WNT6: variants seen among roughly 807,000 people sequenced by gnomAD.
The protein encoded by WNT6 is protein Wnt-6.
WNT6 carries 27 observed loss-of-function variants against 33.1 expected under a neutral mutation model. The observed-to-expected ratio is 0.82, with a 90% CI of 0.60 to 1.12. The LOEUF is 1.12. WNT6 is among the 50% of genes most tolerant of loss of function. WNT6 has a pLI of 0.00. For missense variants in WNT6, 494 were observed against 535.3 expected (o/e 0.92, Z 0.76); for synonymous variants, 249 against 242.8 (o/e 1.03, Z -0.24).
chr2:218,865,897 A>T (rs1017122501), intron 1 of WNT6, among the ~76,000 whole-genome samples: 8 of 131,592 alleles, frequency 6.1e-5, no homozygotes. Context: ...GAGGGAACCA[A>T]GTTGGGTTAG....
chr2:218,868,307 T>A (rs1167682799), intron 1 of WNT6, among the ~76,000 whole-genome samples: 1 of 152,038 alleles, frequency 6.6e-6, no homozygotes, highest in Non-Finnish European at 1.5e-5. Context: ...GTCAAGAGGT[T>A]TTTGTCTTTC....
At chr2:218,861,634 A>G (rs534630339) in intron 1 of WNT6, among the ~76,000 whole-genome samples, 3 of 152,260 alleles carry the variant, frequency 2.0e-5, no homozygotes, top group African/African-American at 7.2e-5. Context: ...AATGTTGTAA[A>G]GGAATCTCTT....
At chr2:218,870,966 C>G (rs34877698) in intron 1 of WNT6, 61 bp from the exon 2 acceptor site, 1 of 1,475,518 alleles carries the variant, frequency 6.8e-7, no homozygotes, top group Non-Finnish European at 9.2e-7. Context: ...TGGTCCTCCT[C>G]CCTTCCACCC....
chr2:218,870,938 C>T (rs1206303260), intron 1 of WNT6, 89 bp from the exon 2 acceptor site: 12 of 1,290,796 alleles, frequency 9.3e-6, no homozygotes, highest in Non-Finnish European at 1.3e-5. Context: ...ACAGCTCCCG[C>T]TGCGGGCTGA....
intron 1 of WNT6, among the ~76,000 whole-genome samples, chr2:218,868,195 G>T (rs1443775848): frequency 6.6e-6 from 1 of 152,142 alleles, no homozygotes; most frequent in Non-Finnish European, 1.5e-5. Context: ...ACCAGGAACT[G>T]GCTCTGGGGC....
chr2:218,869,762 G>T (rs559215477), intron 1 of WNT6, among the ~76,000 whole-genome samples: 7 of 152,324 alleles, frequency 4.6e-5, no homozygotes, highest in Non-Finnish European at 8.8e-5. Context: ...CCAAATGTCA[G>T]CTCTCTCCTT....
rs1343817644 is a variant in WNT6 at position 218,873,179 on chromosome 2, C to A, written c.637-205C>A. 6.6e-6 allele frequency among the ~76,000 whole-genome samples: 1 copy of A among 152,080 alleles called. No homozygotes were observed. The highest frequency in any genetic ancestry group is 1.5e-5 in the Non-Finnish European group (1 of 68,008). On this transcript the variant is annotated intron_variant, in intron 3 of 3. Coordinates refer to ENST00000233948, the MANE Select transcript of WNT6 (RefSeq NM_006522.4). This position sits in a 1 kb window ranked among gnomAD's most constrained non-coding sequence, Gnocchi z 6.1. ...CTCCCCTCTTCGTCATCATCATATT[C>A]CTCCATCCTCACCATTCCTCCTGCT...
intron 3 of WNT6, among the ~76,000 whole-genome samples, chr2:218,872,094 T>C (rs1204406921): frequency 6.6e-6 from 1 of 151,850 alleles, no homozygotes; most frequent in African/African-American, 2.4e-5. Context: ...ACTCAGGGAA[T>C]AGGACTGAGG....
intron 1 of WNT6, among the ~76,000 whole-genome samples, chr2:218,868,588 A>T (rs1944372591): frequency 6.6e-6 from 1 of 152,188 alleles, no homozygotes; most frequent in Non-Finnish European, 1.5e-5. Flanking sequence ...TCCCTGCCTG[A>T]TTCCCAGTGG....
rs140404341 is a variant in WNT6 at position 218,871,197 on chromosome 2, G to T, written c.251G>T (p.Arg84Leu). The change falls in exon 2 of 4, where the codon CGC becomes CTC. Residue 84 changes from arginine to leucine, a missense_variant. By Grantham distance (102) the Arg-to-Leu change is moderately radical. Coordinates refer to ENST00000233948, the MANE Select transcript of WNT6 (RefSeq NM_006522.4). This position sits in a 1 kb window ranked among gnomAD's most constrained non-coding sequence, Gnocchi z 6.4. ...TGCCAGTTCCAGTTCCGCTTCCGCC[G>T]CTGGAATTGCTCCAGCCACAGCAAG... ...RECQFQFRFRRWNCSSHSKAF... is the reference protein window; with the variant it reads ...RECQFQFRFRLWNCSSHSKAF... 3 of 1,613,482 alleles carry T rather than the reference G, an allele frequency of 1.9e-6. No homozygotes were observed. The highest frequency in any genetic ancestry group is 2.5e-6 in the Non-Finnish European group (3 of 1,179,864).
At chr2:218,860,401 G>C (rs1367249181) in intron 1 of WNT6, among the ~76,000 whole-genome samples, 1 of 152,196 alleles carries the variant, frequency 6.6e-6, no homozygotes, top group Non-Finnish European at 1.5e-5. Context: ...CTTTCGGGAA[G>C]ACACATATCC....
chr2:218,866,673 T>A (rs1944357128), intron 1 of WNT6, among the ~76,000 whole-genome samples: 1 of 152,016 alleles, frequency 6.6e-6, no homozygotes, highest in Non-Finnish European at 1.5e-5. Flanking sequence ...GCTCAGGAGG[T>A]TAAGTCTCAT....
chr2:218,864,851 C>G (rs1447338942), intron 1 of WNT6, among the ~76,000 whole-genome samples: 1 of 152,248 alleles, frequency 6.6e-6, no homozygotes, highest in Non-Finnish European at 1.5e-5. Context: ...GGCCCCTGAC[C>G]CATCGTGGGC....
At chr2:218,861,510 T>C (rs1000925958) in intron 1 of WNT6, among the ~76,000 whole-genome samples, 7 of 151,960 alleles carry the variant, frequency 4.6e-5, no homozygotes, top group Non-Finnish European at 1.0e-4. Context: ...AATAGGACCT[T>C]AGGAGGTACT....
chr2:218,860,922 C>T (rs1254303389), intron 1 of WNT6, among the ~76,000 whole-genome samples: 1 of 151,992 alleles, frequency 6.6e-6, no homozygotes, highest in African/African-American at 2.4e-5. Flanking sequence ...AGGAGGGTGC[C>T]CGACCGGGAC....
intron 1 of WNT6, among the ~76,000 whole-genome samples, chr2:218,860,646 C>T (rs1944299861): frequency 6.6e-6 from 1 of 152,172 alleles, no homozygotes; most frequent in Admixed American, 6.5e-5. Flanking sequence ...TTCTCTACCT[C>T]GTCCTCCCCA....
chr2:218,864,535 G>A (rs967644745), intron 1 of WNT6, among the ~76,000 whole-genome samples: 2 of 152,160 alleles, frequency 1.3e-5, no homozygotes, highest in African/African-American at 4.8e-5. Flanking sequence ...CCAAAGTGCT[G>A]GGATAACAGG....
At chr2:218,864,993 A>G (rs1055621245) in intron 1 of WNT6, among the ~76,000 whole-genome samples, 10 of 152,220 alleles carry the variant, frequency 6.6e-5, no homozygotes, top group Non-Finnish European at 1.0e-4. Flanking sequence ...TGTGAGCAGA[A>G]AAGGGCAGGG....
At position 218,871,416 on chromosome 2, in the gene WNT6, C is replaced by T; in HGVS notation, c.302-69C>T. The T allele has an allele frequency of 6.5e-7, 1 of 1,548,542 alleles. No individual in the cohort carries two copies. The highest frequency in any genetic ancestry group is 8.7e-7 in the Non-Finnish European group (1 of 1,143,430). On this transcript the variant is annotated intron_variant, in intron 2 of 3. Transcript: ENST00000233948. The surrounding 1 kb of genome is among the most constrained non-coding windows in gnomAD (Gnocchi z 6.4). ...GGCCCCTGGGGCAGCCCTCCCGCCGCAGGTTTCAGGTCCCAGGCCCCAGCT... is the reference window on the plus strand; with the variant it reads ...GGCCCCTGGGGCAGCCCTCCCGCCGTAGGTTTCAGGTCCCAGGCCCCAGCT...
Sources: allele counts gnomAD v4.1 joint callset (sites outside exome capture counted in the v4.1 genomes callset), GRCh38; gene constraint gnomAD v4.1.1; non-coding constraint Gnocchi (gnomAD v3.1); transcripts MANE v1.5; gene names NCBI Gene and HGNC (gene_info 2026-07-23, HGNC 2026-07-21).